The following KCMF1 variants were observed in gnomAD, a reference collection of about 807,000 sequenced individuals.
The protein encoded by KCMF1 is potassium channel modulatory factor 1.
KCMF1 carries 3 observed loss-of-function variants against 41.1 expected under a neutral mutation model. The observed-to-expected ratio is 0.07, with a 90% CI of 0.03 to 0.19. KCMF1 has a LOEUF of 0.19. Among genes scored for constraint, KCMF1 ranks in the 10% least tolerant of loss-of-function variants. The pLI is 1.00. For missense variants in KCMF1, 286 were observed against 488.9 expected (o/e 0.58, Z 3.91); for synonymous variants, 142 against 164.5 (o/e 0.86, Z 1.04).
chr2:85,008,291 T>TATATATAATATATAATATATATATATC (rs1278421092), intron 1 of KCMF1, among the ~76,000 whole-genome samples: 27 of 14,626 alleles, frequency 1.8e-3, no homozygotes, highest in East Asian at 4.5e-3. Flanking sequence ...TGATATATAA[T>TATATATAATATATAATATATATATATC]ATATATAATA....
rs776386097 is a variant in KCMF1, at chr2:84,971,407, C to T, written c.-45C>T. 1.7e-6 allele frequency: 2 copies of T among 1,182,134 alleles called. No homozygotes were observed. The highest frequency in any genetic ancestry group is 1.1e-6 in the Non-Finnish European group (1 of 943,368). 73.2% of individuals were successfully genotyped at this position (1,182,134 alleles called of 1,614,324 possible). On this transcript the variant is annotated 5_prime_UTR_variant, in exon 1 of 7. Transcript: ENST00000409785. Reference sequence around the variant, plus strand: ...CGCCGGGACCCCGCGGGGGACACTGCAGCCGGAGCCCGGGAGGGGCCGCGC... The same window carrying T: ...CGCCGGGACCCCGCGGGGGACACTGTAGCCGGAGCCCGGGAGGGGCCGCGC...
rs1574037077 is a variant in KCMF1 at position 85,034,865 on chromosome 2, A to G, written c.185-151A>G. 7 of 588,324 alleles carry G rather than the reference A, an allele frequency of 1.2e-5. No individual in the cohort carries two copies. In the South Asian group the frequency reaches 1.3e-4, roughly 11 times the overall value. The allele number at this position is 588,324 out of a possible 1,614,324, so 36.4% of individuals were successfully genotyped here. ...TCAAACTCCTGACCTCAAGTGATCC[A>G]CCCACCTTGTCCTCCCAACGTGCTG... On this transcript the variant is annotated intron_variant, in intron 2 of 6. Coordinates refer to ENST00000409785, the MANE Select transcript of KCMF1 (RefSeq NM_020122.5).
At chr2:84,981,962 TA>T (rs1413190328) in intron 1 of KCMF1, among the ~76,000 whole-genome samples, 1 of 152,062 alleles carries the variant, frequency 6.6e-6, no homozygotes, top group African/African-American at 2.4e-5. Flanking sequence ...GTATTTTTTT[TA>T]GTAGAGACAG....
At chr2:85,021,496 C>T (rs563249086) in intron 1 of KCMF1, among the ~76,000 whole-genome samples, 1 of 152,078 alleles carries the variant, frequency 6.6e-6, no homozygotes, top group East Asian at 1.9e-4. Flanking sequence ...GTGGTGGGCA[C>T]CTGTAGTCCC....
intron 1 of KCMF1, among the ~76,000 whole-genome samples, chr2:84,983,888 C>T (rs1258422439): frequency 6.6e-6 from 1 of 152,116 alleles, no homozygotes. Context: ...TCAAGCAATC[C>T]TACCTTGGTC....
intron 1 of KCMF1, among the ~76,000 whole-genome samples, chr2:84,971,719 A>G (rs1483675383): frequency 6.9e-6 from 1 of 144,670 alleles, no homozygotes. Context: ...TTGCACTGTC[A>G]TGGGGCGGAG....
At chr2:85,041,764 T>A (rs1487813042) in intron 3 of KCMF1, among the ~76,000 whole-genome samples, 6 of 149,452 alleles carry the variant, frequency 4.0e-5, no homozygotes, top group African/African-American at 4.9e-5. Context: ...TGCTGGTCTT[T>A]TTTTTTTTTT....
chr2:84,971,846 C>T (rs966210330), intron 1 of KCMF1: 1 of 152,174 alleles, frequency 6.6e-6, no homozygotes, highest in Non-Finnish European at 1.5e-5. Context: ...CGGCCTAGCG[C>T]TCCCGCCGCC....
chr2:85,002,081 T>A (rs896518046), intron 1 of KCMF1, among the ~76,000 whole-genome samples: 4 of 152,224 alleles, frequency 2.6e-5, no homozygotes, highest in Non-Finnish European at 5.9e-5. Flanking sequence ...TTTGGCATCC[T>A]CCTCAAAACA....
chr2:84,991,819 C>G (rs1489366520), intron 1 of KCMF1, among the ~76,000 whole-genome samples: 2 of 152,188 alleles, frequency 1.3e-5, no homozygotes, highest in African/African-American at 2.4e-5. Flanking sequence ...TTGAACCATA[C>G]TACTTGAGAT....
intron 1 of KCMF1, among the ~76,000 whole-genome samples, chr2:84,994,031 T>C (rs981152813): frequency 1.3e-5 from 2 of 151,996 alleles, no homozygotes; most frequent in Non-Finnish European, 2.9e-5. Context: ...CACTGCAAGC[T>C]CCGCCTCCTG....
intron 6 of KCMF1, among the ~76,000 whole-genome samples, chr2:85,050,573 A>C (rs1428651645): frequency 6.6e-6 from 1 of 152,222 alleles, no homozygotes; most frequent in African/African-American, 2.4e-5. Context: ...TGTGACTTTT[A>C]GGAATATAAA....
At chr2:85,017,078 G>A (rs1674789616) in intron 1 of KCMF1, among the ~76,000 whole-genome samples, 2 of 137,084 alleles carry the variant, frequency 1.5e-5, no homozygotes, top group Non-Finnish European at 3.0e-5. Flanking sequence ...ACTGCGGACT[G>A]CAGTGGCGCA....
chr2:85,015,000 A>G (rs1674736631), intron 1 of KCMF1, among the ~76,000 whole-genome samples: 1 of 151,824 alleles, frequency 6.6e-6, no homozygotes, highest in African/African-American at 2.4e-5. Context: ...TGTAGAAAAC[A>G]AGTACTTGTT....
chr2:85,016,182 G>C (rs1674764657), intron 1 of KCMF1, among the ~76,000 whole-genome samples: 1 of 152,076 alleles, frequency 6.6e-6, no homozygotes, highest in African/African-American at 2.4e-5. Flanking sequence ...CTTTCTTCTG[G>C]ATCTTGCTCC....
intron 2 of KCMF1, among the ~76,000 whole-genome samples, chr2:85,031,026 ACT>A (rs1675253816): frequency 6.6e-6 from 1 of 152,154 alleles, no homozygotes; most frequent in African/African-American, 2.4e-5. Context: ...CCAGTACTAC[ACT>A]GTCTTGATTT....
At chr2:85,001,264 T>A (rs528443445) in intron 1 of KCMF1, among the ~76,000 whole-genome samples, 3 of 152,110 alleles carry the variant, frequency 2.0e-5, no homozygotes, top group African/African-American at 7.2e-5. Context: ...TTCAAGTGAT[T>A]CTTCCACCTC....
intron 1 of KCMF1, among the ~76,000 whole-genome samples, chr2:84,988,425 A>T (rs1673955693): frequency 6.6e-6 from 1 of 152,188 alleles, no homozygotes; most frequent in African/African-American, 2.4e-5. Context: ...GTCCTATGAG[A>T]TATGTATCAT....
In KCMF1 at chr2:85,058,554, G is replaced by A. The variant is rs1675993804; in HGVS notation, c.*5145G>A. On this transcript the variant is annotated 3_prime_UTR_variant, in exon 7 of 7. Coordinates refer to ENST00000409785, the MANE Select transcript of KCMF1 (RefSeq NM_020122.5). Reference sequence around the variant, plus strand: ...AGTGCATGTAGCCTGTAGAATGTTGGCTCCTCTGTCTATAGAAACCATCAG... The same window carrying A: ...AGTGCATGTAGCCTGTAGAATGTTGACTCCTCTGTCTATAGAAACCATCAG... 2 of 152,284 alleles carry A rather than the reference G, an allele frequency of 1.3e-5. No homozygotes were observed. Among genetic ancestry groups the A allele is most frequent in the South Asian group, 4.1e-4 (2 of 4,824 alleles). 9.4% of individuals were successfully genotyped at this position (152,284 alleles called of 1,614,324 possible).
Sources: gnomAD v4.1 joint callset for allele counts (sites outside exome capture counted in the v4.1 genomes callset) on GRCh38, gnomAD v4.1.1 for gene constraint, MANE v1.5 for transcripts, NCBI Gene and HGNC (gene_info 2026-07-23, HGNC 2026-07-21) for gene names.